Variants in RFX3 observed in about 807,000 individuals in gnomAD.
RFX3 encodes regulatory factor X3.
A neutral mutation model predicts 98.6 loss-of-function variants in RFX3; 14 were observed. The observed-to-expected ratio is 0.14, with a 90% CI of 0.09 to 0.22. The LOEUF is 0.22. Among genes scored for constraint, RFX3 ranks in the 10% least tolerant of loss-of-function variants. The probability of loss-of-function intolerance (pLI) is 1.00; values close to 1 mark genes in which losing one functional copy is unlikely to be tolerated. For missense variants in RFX3, 639 were observed against 926.9 expected (o/e 0.69, Z 4.03); for synonymous variants, 383 against 328.4 (o/e 1.17, Z -1.80).
intron 2 of RFX3, among the ~76,000 whole-genome samples, chr9:3,356,667 A>G (rs936133384): frequency 2.0e-5 from 3 of 152,032 alleles, no homozygotes; most frequent in African/African-American, 7.2e-5. Flanking sequence ...TAGAAAAGAC[A>G]TTACAAGAAA....
rs1019594501 is a variant in RFX3 at position 3,222,022 on chromosome 9, C to T, written c.*3020G>A. ...TCTAATATTATTTAGAAAACCCACACTTTCAATGAGTGAAAAAAGGGAAAA... is the reference window on the plus strand; with the variant it reads ...TCTAATATTATTTAGAAAACCCACATTTTCAATGAGTGAAAAAAGGGAAAA... On this transcript the variant is annotated 3_prime_UTR_variant, in exon 17 of 17. Transcript: ENST00000617270. The T allele has an allele frequency of 1.3e-5, 2 of 152,058 alleles. No homozygotes were observed. 9.4% of individuals were successfully genotyped at this position (152,058 alleles called of 1,614,324 possible).
intron 1 of RFX3, among the ~76,000 whole-genome samples, chr9:3,432,564 T>A (rs1220806958): frequency 6.6e-6 from 1 of 152,064 alleles, no homozygotes; most frequent in East Asian, 1.9e-4. Flanking sequence ...AAGGAAGTCA[T>A]GAAAGAGCTT....
At chr9:3,301,111 T>C (rs1345739503) in intron 5 of RFX3, among the ~76,000 whole-genome samples, 2 of 151,906 alleles carry the variant, frequency 1.3e-5, no homozygotes, top group African/African-American at 2.4e-5. Context: ...AAACAGTTTA[T>C]CATTGGATTT....
intron 4 of RFX3, among the ~76,000 whole-genome samples, chr9:3,307,885 T>C (rs768960253): frequency 6.6e-6 from 1 of 152,182 alleles, no homozygotes; most frequent in Non-Finnish European, 1.5e-5. Flanking sequence ...TTCCTCTCTT[T>C]TTCCTTTCTC....
chr9:3,461,554 T>C (rs1193839807), intron 1 of RFX3, among the ~76,000 whole-genome samples: 1 of 152,006 alleles, frequency 6.6e-6, no homozygotes, highest in Non-Finnish European at 1.5e-5. Context: ...GAACTGTTAG[T>C]AGAACAATAT....
At chr9:3,308,777 TGTGA>T (rs972455560) in intron 4 of RFX3, among the ~76,000 whole-genome samples, 3 of 152,114 alleles carry the variant, frequency 2.0e-5, no homozygotes, top group African/African-American at 7.2e-5. Flanking sequence ...TGACTGTTGC[TGTGA>T]GTGAGTTCAA....
chr9:3,414,083 A>T (rs980398802), intron 1 of RFX3, among the ~76,000 whole-genome samples: 28 of 152,140 alleles, frequency 1.8e-4, no homozygotes, highest in Non-Finnish European at 4.4e-5. Context: ...TGTGAAAATT[A>T]TGTGTGTGTT....
At chr9:3,472,387 C>T (rs943579438) in intron 1 of RFX3, among the ~76,000 whole-genome samples, 2 of 152,308 alleles carry the variant, frequency 1.3e-5, no homozygotes, top group South Asian at 4.1e-4. Flanking sequence ...CTAGATAACA[C>T]ACCCTAGTGA....
chr9:3,311,785 G>C lies in RFX3; in HGVS notation c.475-10165C>G, dbSNP rs150902809. On this transcript the variant is annotated intron_variant, in intron 4 of 16. Transcript: ENST00000617270. ...TGTTATCCCAGCTACTCGGGAGGCT[G>C]AGGCAGGACAATCGCTTGAATCTGG... Among the ~76,000 whole-genome samples the C allele has an allele frequency of 6.7e-3, 1,023 of 152,276 alleles. 4 individuals carry two copies. The highest frequency in any genetic ancestry group is 9.9e-3 in the Non-Finnish European group (676 of 68,028).
intron 2 of RFX3, among the ~76,000 whole-genome samples, chr9:3,383,945 T>A (rs1341410750): frequency 6.6e-6 from 1 of 152,158 alleles, no homozygotes; most frequent in Non-Finnish European, 1.5e-5. Flanking sequence ...AATAATTATT[T>A]TTCAGGGACA....
chr9:3,340,561 A>T (rs529314496), intron 3 of RFX3, among the ~76,000 whole-genome samples: 1 of 152,322 alleles, frequency 6.6e-6, no homozygotes, highest in Admixed American at 6.5e-5. Context: ...TTACAAGAAA[A>T]AAACAAACAA....
At chr9:3,445,257 A>C (rs575946310) in intron 1 of RFX3, among the ~76,000 whole-genome samples, 4 of 148,728 alleles carry the variant, frequency 2.7e-5, no homozygotes, top group Admixed American at 1.3e-4. Context: ...AAATTTATTG[A>C]GAGAAGGGAG....
At chr9:3,494,214 T>C (rs1850948436) in intron 1 of RFX3, among the ~76,000 whole-genome samples, 1 of 152,140 alleles carries the variant, frequency 6.6e-6, no homozygotes, top group Non-Finnish European at 1.5e-5. Context: ...TCTGCCTCAA[T>C]CATATATTTG....
intron 2 of RFX3, among the ~76,000 whole-genome samples, chr9:3,353,167 A>G (rs1439338649): frequency 7.1e-6 from 1 of 141,488 alleles, no homozygotes; most frequent in African/African-American, 2.6e-5. Context: ...TGGACACAGG[A>G]AGGGGAACAT....
chr9:3,424,488 A>T (rs1843802452), intron 1 of RFX3, among the ~76,000 whole-genome samples: 1 of 148,130 alleles, frequency 6.8e-6, no homozygotes, highest in Admixed American at 6.9e-5. Flanking sequence ...CAGCCTCCCG[A>T]GTAGCTGGGA....
intron 1 of RFX3, among the ~76,000 whole-genome samples, chr9:3,485,713 A>G (rs556246588): frequency 3.9e-5 from 6 of 152,356 alleles, no homozygotes; most frequent in Non-Finnish European, 7.3e-5. Flanking sequence ...ATCTGCAAAA[A>G]TTACATGCAT....
chr9:3,475,810 A>G (rs535293071), intron 1 of RFX3, among the ~76,000 whole-genome samples: 1 of 152,308 alleles, frequency 6.6e-6, no homozygotes, highest in Admixed American at 6.5e-5. Context: ...CAGGCCCTCC[A>G]CAAGAGGTGG....
At chr9:3,253,399 A>G (rs1042286264) in intron 14 of RFX3, among the ~76,000 whole-genome samples, 1 of 152,232 alleles carries the variant, frequency 6.6e-6, no homozygotes, top group African/African-American at 2.4e-5. Context: ...TTCACGCCAA[A>G]TATCAAAGCT....
intron 4 of RFX3, among the ~76,000 whole-genome samples, chr9:3,328,812 G>C (rs1440361215): frequency 2.0e-5 from 3 of 151,918 alleles, no homozygotes; most frequent in African/African-American, 4.8e-5. Context: ...GAAATATAAA[G>C]CTTCTCATAT....
Sources: gnomAD v4.1 joint callset for allele counts (sites outside exome capture counted in the v4.1 genomes callset) on GRCh38, gnomAD v4.1.1 for gene constraint, MANE v1.5 for transcripts, NCBI Gene and HGNC (gene_info 2026-07-23, HGNC 2026-07-21) for gene names.